The following CNTN4 variants were observed in gnomAD, a reference collection of about 807,000 sequenced individuals.
CNTN4 encodes contactin-4.
In CNTN4, 77 loss-of-function variants were observed where a neutral mutation model predicts 122.5. That is an observed-to-expected ratio of 0.63 (90% CI 0.52 to 0.76). CNTN4 has a LOEUF of 0.76. Ranked by LOEUF, CNTN4 falls within the 30% of genes least tolerant of loss-of-function variation. CNTN4 has a pLI of 0.00. For synonymous variants in CNTN4, 512 were observed against 447.0 expected (o/e 1.15, Z -1.83); for missense variants, 1,256 against 1,259.1 (o/e 1.00, Z 0.04).
intron 2 of CNTN4, among the ~76,000 whole-genome samples, chr3:2,137,836 C>T (rs1249522194): frequency 6.6e-6 from 1 of 152,170 alleles, no homozygotes; most frequent in African/African-American, 2.4e-5. Context: ...CGCCCTACCC[C>T]ACCCCTACTG....
intron 14 of CNTN4, among the ~76,000 whole-genome samples, chr3:2,998,753 G>A (rs112764913): frequency 1.3e-5 from 2 of 152,154 alleles, no homozygotes; most frequent in African/African-American, 4.8e-5. Context: ...AAAAGTGAGG[G>A]GAACACACCC....
intron 3 of CNTN4, among the ~76,000 whole-genome samples, chr3:2,454,975 A>G (rs918531668): frequency 1.3e-5 from 2 of 152,188 alleles, no homozygotes; most frequent in Non-Finnish European, 2.9e-5. Flanking sequence ...GTCTTTGATT[A>G]TAAATAACTA....
intron 2 of CNTN4, among the ~76,000 whole-genome samples, chr3:2,103,767 T>C (rs1329260251): frequency 6.6e-6 from 1 of 152,212 alleles, no homozygotes; most frequent in Non-Finnish European, 1.5e-5. Flanking sequence ...GGGGACTGTA[T>C]ATATATCCCA....
intron 6 of CNTN4, among the ~76,000 whole-genome samples, chr3:2,762,256 T>C (rs1410034588): frequency 6.6e-6 from 1 of 152,224 alleles, no homozygotes; most frequent in Non-Finnish European, 1.5e-5. Flanking sequence ...TGCAGGTTTG[T>C]TACATAGGTA....
At chr3:2,831,246 G>A (rs989615593) in intron 7 of CNTN4, among the ~76,000 whole-genome samples, 23 of 152,244 alleles carry the variant, frequency 1.5e-4, no homozygotes, top group African/African-American at 5.5e-4. Flanking sequence ...TGATTTAAGA[G>A]GAAGTGATTT....
chr3:2,915,084 T>G (rs541740803), intron 12 of CNTN4, among the ~76,000 whole-genome samples: 11 of 152,310 alleles, frequency 7.2e-5, no homozygotes, highest in Admixed American at 2.0e-4. Context: ...CTTTTTTGTT[T>G]GTTTGTTTTT....
chr3:2,417,901 A>G (rs928529495), intron 3 of CNTN4, among the ~76,000 whole-genome samples: 15 of 152,212 alleles, frequency 9.9e-5, no homozygotes, highest in African/African-American at 3.6e-4. Flanking sequence ...TATATACTTT[A>G]TTATTCCAAC....
intron 4 of CNTN4, among the ~76,000 whole-genome samples, chr3:2,708,808 A>G (rs2086915043): frequency 6.6e-6 from 1 of 152,156 alleles, no homozygotes; most frequent in Non-Finnish European, 1.5e-5. Flanking sequence ...CTAGCATGAA[A>G]ACATTATTAT....
At chr3:2,724,383 T>A (rs1227132042) in intron 4 of CNTN4, among the ~76,000 whole-genome samples, 1 of 152,184 alleles carries the variant, frequency 6.6e-6, no homozygotes, top group African/African-American at 2.4e-5. Context: ...GTAGACATCA[T>A]GATAGCCCTA....
At chr3:2,326,510 A>G (rs2043465967) in intron 2 of CNTN4, among the ~76,000 whole-genome samples, 1 of 137,360 alleles carries the variant, frequency 7.3e-6, no homozygotes, top group African/African-American at 2.5e-5. Flanking sequence ...ACACACACAC[A>G]CACACACACA....
At chr3:2,302,371 T>A (rs1390033104) in intron 2 of CNTN4, among the ~76,000 whole-genome samples, 1 of 152,154 alleles carries the variant, frequency 6.6e-6, no homozygotes, top group Admixed American at 6.5e-5. Flanking sequence ...GAGTTTACAG[T>A]GAGCTGAGAT....
chr3:2,619,010 T>A (rs2149903969), intron 4 of CNTN4, among the ~76,000 whole-genome samples: 1 of 152,298 alleles, frequency 6.6e-6, no homozygotes, highest in Non-Finnish European at 1.5e-5. Context: ...TTCCTTGACC[T>A]TATACCTCTC....
At chr3:2,248,210 C>T (rs926122488) in intron 2 of CNTN4, among the ~76,000 whole-genome samples, 3 of 151,844 alleles carry the variant, frequency 2.0e-5, no homozygotes, top group Non-Finnish European at 4.4e-5. Context: ...TATACATAGA[C>T]GACTGAATAT....
intron 6 of CNTN4, among the ~76,000 whole-genome samples, chr3:2,763,884 T>A (rs2090714714): frequency 6.6e-6 from 1 of 152,132 alleles, no homozygotes; most frequent in African/African-American, 2.4e-5. Context: ...GGTTACTGTG[T>A]CCCTATAGTA....
At chr3:2,129,242 T>G (rs2034329296) in intron 2 of CNTN4, among the ~76,000 whole-genome samples, 1 of 141,182 alleles carries the variant, frequency 7.1e-6, no homozygotes, top group Non-Finnish European at 1.5e-5. Context: ...CATAGAACAT[T>G]GCAAATGCTT....
intron 3 of CNTN4, among the ~76,000 whole-genome samples, chr3:2,499,992 G>T (rs2076553326): frequency 6.6e-6 from 1 of 152,032 alleles, no homozygotes; most frequent in Non-Finnish European, 1.5e-5. Flanking sequence ...CCTTTGGAAT[G>T]ATTTTAAATG....
chr3:2,854,265 CTTCTTT>C (rs2093593095), intron 7 of CNTN4, among the ~76,000 whole-genome samples: 2 of 81,748 alleles, frequency 2.4e-5, no homozygotes, highest in South Asian at 1.1e-3. Context: ...TTTCTTTCTT[CTTCTTT>C]TTTTTTTTTT....
At chr3:2,770,130 A>G (rs1318926921) in intron 6 of CNTN4, among the ~76,000 whole-genome samples, 2 of 151,968 alleles carry the variant, frequency 1.3e-5, no homozygotes, top group Non-Finnish European at 2.9e-5. Flanking sequence ...CCCTGGTTCA[A>G]GCAATTCTAC....
chr3:2,390,244 G>T (rs961886233), intron 3 of CNTN4, among the ~76,000 whole-genome samples: 2 of 151,438 alleles, frequency 1.3e-5, no homozygotes, highest in African/African-American at 4.9e-5. Context: ...GTGTGTGTGT[G>T]TGTGTGTACA....
Sources: gnomAD v4.1 joint callset for allele counts (sites outside exome capture counted in the v4.1 genomes callset) on GRCh38, gnomAD v4.1.1 for gene constraint, MANE v1.5 for transcripts, NCBI Gene and HGNC (gene_info 2026-07-23, HGNC 2026-07-21) for gene names.